The following RAF1 variants were observed in gnomAD, a reference collection of about 807,000 sequenced individuals.
The protein encoded by RAF1 is Raf-1 proto-oncogene, serine/threonine kinase, also known as RAF proto-oncogene serine/threonine-protein kinase.
A neutral mutation model predicts 81.1 loss-of-function variants in RAF1; 27 were observed. That is an observed-to-expected ratio of 0.33 (90% CI 0.25 to 0.46). The LOEUF (loss-of-function observed/expected upper bound fraction) is 0.46, where lower values mean the gene tolerates loss of function less well. RAF1 is among the 20% of genes least tolerant of loss of function. RAF1 has a pLI of 1.00. For synonymous variants in RAF1, 298 were observed against 294.0 expected (o/e 1.01, Z -0.14); for missense variants, 598 against 826.0 (o/e 0.72, Z 3.38).
intron 14 of RAF1, 126 bp downstream of exon 13, chr3:12,587,465 G>A (rs1188010388): frequency 2.1e-6 from 2 of 951,462 alleles, no homozygotes; most frequent in Non-Finnish European, 3.4e-6. Flanking sequence ...CTGTTTTCCT[G>A]TCCTCTGCCT....
intron 1 of RAF1, among the ~76,000 whole-genome samples, chr3:12,619,906 C>A (rs1181277814): frequency 6.6e-6 from 1 of 151,696 alleles, no homozygotes; most frequent in Non-Finnish European, 1.5e-5. Flanking sequence ...CACAGGGATA[C>A]CCTGTCTCTA....
rs537858057 is a variant in RAF1, at chr3:12,589,969, T to G, written c.1430+829A>C. The G allele has an allele frequency of 4.6e-5, 7 of 151,944 alleles. No homozygotes were observed. The East Asian group carries it at 1.4e-3, about 30-fold the overall frequency. 9.4% of individuals were successfully genotyped at this position (151,944 alleles called of 1,614,324 possible). ...CCACAACCAGCTAATTTTTGTATTT[T>G]TAGTAGAGATGAGATTTCACCACAT... is the stretch of plus-strand genomic sequence containing the variant. On this transcript the variant is annotated intron_variant, in intron 13 of 17. Transcript: ENST00000442415.
At chr3:12,617,315 A>G (rs1048297835) in intron 2 of RAF1, among the ~76,000 whole-genome samples, 4 of 151,960 alleles carry the variant, frequency 2.6e-5, no homozygotes, top group Admixed American at 1.3e-4. Context: ...GGGTTTCACC[A>G]TGTTGGCCAG....
chr3:12,593,647 C>CACCA (rs1214467892), intron 11 of RAF1, among the ~76,000 whole-genome samples: 2 of 152,058 alleles, frequency 1.3e-5, no homozygotes, highest in African/African-American at 4.8e-5. Flanking sequence ...CCATATGGGA[C>CACCA]ACCATATGGG....
Position 12,600,986 on chromosome 3 carries a change from G to A in RAF1, c.895-571C>T, listed in dbSNP as rs1656085513. ...TACTCTCAGCTGAGACCCTTCCAAA[G>A]ATTGGGATTCTTGTTCCACTGAGGC... is the stretch of plus-strand genomic sequence containing the variant. On this transcript the variant is annotated intron_variant, in intron 8 of 17. Transcript: ENST00000442415. Among the ~76,000 whole-genome samples, 9 of 152,342 alleles carry A rather than the reference G, an allele frequency of 5.9e-5. No individual in the cohort carries two copies. The South Asian group carries it at 1.9e-3, about 32-fold the overall frequency.
At chr3:12,600,096 A>G in intron 10 of RAF1, 56 bp downstream of exon 9, 1 of 1,610,284 alleles carries the variant, frequency 6.2e-7, no homozygotes, top group South Asian at 1.1e-5. Flanking sequence ...CTAATTTCCA[A>G]CGAGGTTTTT....
chr3:12,610,659 C>A (rs975359163), intron 3 of RAF1, among the ~76,000 whole-genome samples: 1 of 152,206 alleles, frequency 6.6e-6, no homozygotes, highest in South Asian at 2.1e-4. Context: ...CTCACCCCTT[C>A]GAGTAGATTC....
chr3:12,610,396 C>T (rs766058378), intron 3 of RAF1, among the ~76,000 whole-genome samples: 14 of 152,156 alleles, frequency 9.2e-5, no homozygotes, highest in Non-Finnish European at 1.9e-4. Flanking sequence ...GGAGGACAAG[C>T]CTTATTTTCT....
intron 1 of RAF1, among the ~76,000 whole-genome samples, chr3:12,653,054 G>A (rs1380545972): frequency 6.6e-6 from 1 of 152,150 alleles, no homozygotes; most frequent in Non-Finnish European, 1.5e-5. Flanking sequence ...GGATGATGCG[G>A]GTAGATCGCT....
At chr3:12,620,379 G>C (rs548951815) in intron 1 of RAF1, among the ~76,000 whole-genome samples, 1 of 152,082 alleles carries the variant, frequency 6.6e-6, no homozygotes, top group African/African-American at 2.4e-5. Flanking sequence ...TGATCTGTCC[G>C]CCTCGGCCTC....
chr3:12,658,037 AAT>A (rs1445485485), intron 1 of RAF1, among the ~76,000 whole-genome samples: 1 of 152,168 alleles, frequency 6.6e-6, no homozygotes, highest in Non-Finnish European at 1.5e-5. Context: ...TCTTTTACTT[AAT>A]ATGTTTCCAA....
At chr3:12,587,557 G>A (rs964273084) in intron 14 of RAF1, 34 bp downstream of exon 13, 3 of 1,576,270 alleles carry the variant, frequency 1.9e-6, no homozygotes, top group Non-Finnish European at 2.6e-6. Context: ...ATTTAGAACC[G>A]AGCAGTCAAA....
chr3:12,645,146 A>T (rs555354309), intron 1 of RAF1, among the ~76,000 whole-genome samples: 2 of 151,672 alleles, frequency 1.3e-5, no homozygotes, highest in South Asian at 4.1e-4. Flanking sequence ...AAAAATATCT[A>T]AGGTAGCCAG....
At chr3:12,652,224 A>C (rs2060554533) in intron 1 of RAF1, among the ~76,000 whole-genome samples, 2 of 151,644 alleles carry the variant, frequency 1.3e-5, no homozygotes, top group South Asian at 4.2e-4. Context: ...TCAAAAAAAC[A>C]ATAATAAATA....
intron 1 of RAF1, among the ~76,000 whole-genome samples, chr3:12,648,890 G>A (rs750691218): frequency 1.3e-5 from 2 of 152,194 alleles, no homozygotes; most frequent in African/African-American, 2.4e-5. Flanking sequence ...CGACGTGGGC[G>A]GATCACCTGA....
intron 3 of RAF1, among the ~76,000 whole-genome samples, chr3:12,611,417 G>A (rs7648489): frequency 0.85 from 128,569 of 152,124 alleles, 54,790 homozygotes; most frequent in African/African-American, 0.95. Context: ...ATGGGCCTTC[G>A]CTATGTGCCC....
chr3:12,617,878 C>CAAAAAA (rs1263362287), intron 2 of RAF1, among the ~76,000 whole-genome samples: 17 of 89,892 alleles, frequency 1.9e-4, no homozygotes, highest in Middle Eastern at 5.4e-3. Flanking sequence ...GAATCCGTCT[C>CAAAAAA]AAAAAAAAAA....
At chr3:12,640,406 GA>G (rs1235847146) in intron 1 of RAF1, among the ~76,000 whole-genome samples, 6 of 152,066 alleles carry the variant, frequency 3.9e-5, no homozygotes, top group Non-Finnish European at 8.8e-5. Flanking sequence ...CACAGCAAAA[GA>G]AACTACCATC....
chr3:12,600,098 G>A lies in RAF1; in HGVS notation c.1050+54C>T, dbSNP rs1056016327. 33 of 1,609,988 alleles carry A rather than the reference G, an allele frequency of 2.0e-5. No individual in the cohort carries two copies. In the Middle Eastern group the frequency reaches 7.4e-4, roughly 36 times the overall value. On this transcript the variant is annotated intron_variant, in intron 10 of 17. Transcript: ENST00000442415. Reference sequence around the variant, plus strand: ...AAGTTTAAGTATTCTAATTTCCAACGAGGTTTTTCTTACTGAACCCTAATT... The same window carrying A: ...AAGTTTAAGTATTCTAATTTCCAACAAGGTTTTTCTTACTGAACCCTAATT...
Sources: gnomAD v4.1 joint callset for allele counts (sites outside exome capture counted in the v4.1 genomes callset) on GRCh38, gnomAD v4.1.1 for gene constraint, MANE v1.5 for transcripts, NCBI Gene and HGNC (gene_info 2026-07-23, HGNC 2026-07-21) for gene names.